The following SIK2 variants were observed in gnomAD, a reference collection of about 807,000 sequenced individuals.
SIK2 encodes salt inducible kinase 2, also known as serine/threonine-protein kinase SIK2.
A neutral mutation model predicts 103.2 loss-of-function variants in SIK2; 29 were observed. The ratio of observed to expected loss-of-function variants is 0.28; its 90% CI spans 0.21 to 0.38. The LOEUF is 0.38. Among genes scored for constraint, SIK2 ranks in the 10% least tolerant of loss-of-function variants. SIK2 has a pLI of 1.00. For synonymous variants in SIK2, 412 were observed against 446.1 expected (o/e 0.92, Z 0.96); for missense variants, 879 against 1,171.0 (o/e 0.75, Z 3.64).
intron 1 of SIK2, among the ~76,000 whole-genome samples, chr11:111,608,742 A>G (rs937086032): frequency 4.6e-5 from 7 of 152,172 alleles, no homozygotes; most frequent in Non-Finnish European, 7.4e-5. Flanking sequence ...TTCTAAAATA[A>G]TGTTTCAGAG....
At chr11:111,615,150 T>C (rs1009935409) in intron 1 of SIK2, among the ~76,000 whole-genome samples, 7 of 149,076 alleles carry the variant, frequency 4.7e-5, no homozygotes, top group African/African-American at 1.7e-4. Flanking sequence ...AATAAATAAA[T>C]AAATAAAAGT....
chr11:111,614,172 C>G (rs555985823), intron 1 of SIK2, among the ~76,000 whole-genome samples: 88 of 151,370 alleles, frequency 5.8e-4, no homozygotes, highest in Non-Finnish European at 8.8e-5. Context: ...ACCTCTGCCT[C>G]CCAGGTTCAA....
At chr11:111,689,834 A>C (rs1942903131) in intron 4 of SIK2, among the ~76,000 whole-genome samples, 1 of 152,074 alleles carries the variant, frequency 6.6e-6, no homozygotes, top group Non-Finnish European at 1.5e-5. Context: ...ATTTTTACTC[A>C]TTTTAAATGT....
intron 3 of SIK2, among the ~76,000 whole-genome samples, chr11:111,630,640 G>C (rs768631519): frequency 2.0e-4 from 30 of 152,122 alleles, no homozygotes; most frequent in Non-Finnish European, 3.7e-4. Flanking sequence ...AGAAGCAGGT[G>C]GAAGAAAGGA....
chr11:111,649,335 G>A (rs1942298707), intron 3 of SIK2, among the ~76,000 whole-genome samples: 3 of 152,044 alleles, frequency 2.0e-5, no homozygotes, highest in Admixed American at 6.6e-5. Context: ...GTAAATACAT[G>A]ATAAATTATT....
chr11:111,667,488 C>CTT (rs565449284), intron 3 of SIK2, among the ~76,000 whole-genome samples: 19 of 105,376 alleles, frequency 1.8e-4, no homozygotes, highest in African/African-American at 3.2e-4. Flanking sequence ...TGTTGGTTAT[C>CTT]TTTTTTTTTT....
At chr11:111,716,045 G>A (rs1390434822) in intron 9 of SIK2, among the ~76,000 whole-genome samples, 4 of 151,902 alleles carry the variant, frequency 2.6e-5, no homozygotes. Flanking sequence ...CAGGTGATCT[G>A]CCCGCCTTGG....
chr11:111,666,389 AC>A (rs1237670043), intron 3 of SIK2, among the ~76,000 whole-genome samples: 1 of 152,072 alleles, frequency 6.6e-6, no homozygotes, highest in Non-Finnish European at 1.5e-5. Context: ...GCCTAAATCT[AC>A]CCTTGTCGTT....
Position 111,602,737 on chromosome 11 carries a change from G to T in SIK2, c.135+39G>T. ...CTCGGCGGGAGCGTCCGAGGCGAGG[G>T]TTCGGGAGAGGAGCTGCTTACCGAG... On this transcript the variant is annotated intron_variant, in intron 1 of 14. Coordinates refer to ENST00000304987, the MANE Select transcript of SIK2 (RefSeq NM_015191.3). This position sits in a 1 kb window ranked among gnomAD's most constrained non-coding sequence, Gnocchi z 4.5. 6.8e-7 allele frequency: 1 copy of T among 1,467,116 alleles called. No individual in the cohort carries two copies. Among genetic ancestry groups the T allele is most frequent in the Non-Finnish European group, 9.0e-7 (1 of 1,107,782 alleles). 90.9% of individuals were successfully genotyped at this position (1,467,116 alleles called of 1,614,324 possible).
rs1943975118 is a variant in SIK2 at position 111,726,587 on chromosome 11, G to A, written c.*2458G>A. 9.0e-6 allele frequency: 2 copies of A among 221,242 alleles called. No individual in the cohort carries two copies. The highest frequency in any genetic ancestry group is 1.8e-5 in the Non-Finnish European group (2 of 110,578). The allele number at this position is 221,242 out of a possible 1,614,324, so 13.7% of individuals were successfully genotyped here. ...CTCTGTATTGACTGCAATGTAAGCT[G>A]CTGAGGAGACTGGTTCTGTTGGTCA... On this transcript the variant is annotated 3_prime_UTR_variant, in exon 15 of 15. Transcript: ENST00000304987.
chr11:111,704,639 T>C (rs1451753678), intron 7 of SIK2, among the ~76,000 whole-genome samples: 1 of 152,172 alleles, frequency 6.6e-6, no homozygotes, highest in Non-Finnish European at 1.5e-5. Flanking sequence ...TAACTGACCT[T>C]ACACCACCGT....
chr11:111,688,091 G>T lies in SIK2; in HGVS notation c.407G>T (p.Arg136Leu), dbSNP rs200775925. The T allele has an allele frequency of 6.2e-6, 10 of 1,614,034 alleles. No individual in the cohort carries two copies. In the Admixed American group the frequency reaches 1.5e-4, roughly 24 times the overall value. The stretch of plus-strand genomic sequence containing the variant: ...TCTGCTGTTGATTATTGTCATGGTC[G>T]GAAGATTGTGCACCGTGACCTCAAA... ...ILSAVDYCHG[R>L]KIVHRDLKAE... The change falls in exon 4 of 15, where the codon CGG becomes CTG. Residue 136 changes from arginine to leucine, a missense_variant. Physicochemically the swap from Arg to Leu is moderately radical, Grantham distance 102. This residue lies in a region of SIK2 where 126 missense variants were observed against 245.5 expected (regional missense o/e 0.51). Transcript: ENST00000304987. The surrounding 1 kb of genome is among the most constrained non-coding windows in gnomAD (Gnocchi z 4.2).
At chr11:111,606,922 T>TG in intron 1 of SIK2, among the ~76,000 whole-genome samples, 1 of 150,050 alleles carries the variant, frequency 6.7e-6, no homozygotes, top group East Asian at 2.0e-4. Flanking sequence ...GAGACCAGCC[T>TG]GGTCAATATA....
chr11:111,669,036 T>A (rs1040231156), intron 3 of SIK2, among the ~76,000 whole-genome samples: 1 of 152,246 alleles, frequency 6.6e-6, no homozygotes, highest in Non-Finnish European at 1.5e-5. Context: ...AATACTTTAT[T>A]AATGAATGAA....
At chr11:111,632,882 G>T (rs576107190) in intron 3 of SIK2, among the ~76,000 whole-genome samples, 1 of 152,168 alleles carries the variant, frequency 6.6e-6, no homozygotes, top group East Asian at 1.9e-4. Flanking sequence ...CAACTACAGT[G>T]AATATAACTG....
intron 3 of SIK2, among the ~76,000 whole-genome samples, chr11:111,662,834 T>C (rs1942485216): frequency 6.6e-6 from 1 of 151,772 alleles, no homozygotes; most frequent in Admixed American, 6.6e-5. Context: ...GCCGTGATCA[T>C]GCCATTGCAC....
intron 3 of SIK2, among the ~76,000 whole-genome samples, chr11:111,651,423 A>G (rs1942324433): frequency 6.6e-6 from 1 of 152,210 alleles, no homozygotes. Flanking sequence ...CAGCAAACTA[A>G]TGCCGGAACA....
At chr11:111,629,275 T>C (rs1278719095) in intron 3 of SIK2, among the ~76,000 whole-genome samples, 2 of 152,178 alleles carry the variant, frequency 1.3e-5, no homozygotes, top group Non-Finnish European at 2.9e-5. Context: ...ACTTACAAGG[T>C]AGGTACTGAA....
chr11:111,690,452 TA>T (rs1431515691), intron 4 of SIK2, among the ~76,000 whole-genome samples: 16 of 152,048 alleles, frequency 1.1e-4, no homozygotes, highest in African/African-American at 2.4e-4. Context: ...TTTTTATTAT[TA>T]TTTTTTTACT....
Sources: gnomAD v4.1 joint callset for allele counts (sites outside exome capture counted in the v4.1 genomes callset) on GRCh38, gnomAD v4.1.1 for gene constraint, gnomAD v4.1.1 regional missense constraint, Gnocchi (gnomAD v3.1) non-coding constraint, MANE v1.5 for transcripts, NCBI Gene and HGNC (gene_info 2026-07-23, HGNC 2026-07-21) for gene names.